The following FBXO42 variants were observed in gnomAD, a reference collection of about 807,000 sequenced individuals.
The protein encoded by FBXO42 is F-box protein 42.
FBXO42 carries 12 observed loss-of-function variants against 71.7 expected under a neutral mutation model. The observed-to-expected ratio is 0.17, with a 90% confidence interval of 0.11 to 0.27. The LOEUF is 0.27. Among genes scored for constraint, FBXO42 ranks in the 10% least tolerant of loss-of-function variants. FBXO42 has a pLI of 1.00. For synonymous variants in FBXO42, 325 were observed against 327.5 expected (o/e 0.99, Z 0.08); for missense variants, 707 against 911.9 (o/e 0.78, Z 2.89).
chr1:16,315,921 A>G (rs2082358545), intron 1 of FBXO42, among the ~76,000 whole-genome samples: 1 of 152,192 alleles, frequency 6.6e-6, no homozygotes, highest in Admixed American at 6.6e-5. Context: ...CTGTAATCCC[A>G]GCACTTTGGG....
In FBXO42 at chr1:16,266,459, C is replaced by G. The variant is rs538805478; in HGVS notation, c.503-9700G>C. Among the ~76,000 whole-genome samples the G allele has an allele frequency of 3.9e-5, 6 of 152,268 alleles. 1 individual carries two copies. In the South Asian group the frequency reaches 1.2e-3, roughly 32 times the overall value. On this transcript the variant is annotated intron_variant, in intron 4 of 9. Transcript: ENST00000375592. ...CCCCATCTTAACCACTCTGTGCAGA[C>G]TCGCTTTCTCAGAGTGGGTCCAATA...
At chr1:16,336,425 C>T (rs1355462673) in intron 1 of FBXO42, among the ~76,000 whole-genome samples, 1 of 151,338 alleles carries the variant, frequency 6.6e-6, no homozygotes, top group African/African-American at 2.4e-5. Context: ...GTGGCGTGAT[C>T]TTGGCTCATT....
chr1:16,277,458 C>T (rs185640471), intron 4 of FBXO42, among the ~76,000 whole-genome samples: 156 of 152,080 alleles, frequency 1.0e-3, no homozygotes, highest in South Asian at 6.4e-3. Flanking sequence ...GGCATGGTGG[C>T]TAATGCTTGT....
intron 3 of FBXO42, among the ~76,000 whole-genome samples, chr1:16,302,894 C>T (rs188510078): frequency 4.7e-4 from 71 of 152,262 alleles, no homozygotes; most frequent in African/African-American, 1.6e-3. Flanking sequence ...CCCCCATGAT[C>T]CAGTCTCCTC....
At chr1:16,264,104 C>A (rs1376160780) in intron 4 of FBXO42, among the ~76,000 whole-genome samples, 1 of 152,114 alleles carries the variant, frequency 6.6e-6, no homozygotes, top group Non-Finnish European at 1.5e-5. Context: ...AGCCACCATG[C>A]CAGGCCAACA....
At chr1:16,309,788 T>C (rs2082292786) in intron 2 of FBXO42, among the ~76,000 whole-genome samples, 1 of 152,034 alleles carries the variant, frequency 6.6e-6, no homozygotes, top group African/African-American at 2.4e-5. Context: ...CTCACACCTG[T>C]AATCCGAGCA....
intron 1 of FBXO42, among the ~76,000 whole-genome samples, chr1:16,349,243 C>T (rs1193939519): frequency 6.6e-6 from 1 of 152,152 alleles, no homozygotes; most frequent in Non-Finnish European, 1.5e-5. Flanking sequence ...CATCCCTGCT[C>T]CAAGAAGCCT....
intron 3 of FBXO42, among the ~76,000 whole-genome samples, chr1:16,295,494 G>A (rs970528949): frequency 3.0e-4 from 46 of 151,966 alleles, no homozygotes; most frequent in African/African-American, 1.0e-3. Flanking sequence ...AGGTGCAAGC[G>A]ATTCTCCTGC....
At chr1:16,310,346 G>A (rs72638109) in intron 2 of FBXO42, among the ~76,000 whole-genome samples, 131 of 152,000 alleles carry the variant, frequency 8.6e-4, no homozygotes, top group Non-Finnish European at 1.6e-3. Flanking sequence ...GGGTGATGGA[G>A]TGAGGTTCCA....
Position 16,299,094 on chromosome 1 carries a change from C to T in FBXO42, c.368-4177G>A, listed in dbSNP as rs573206713. Reference sequence around the variant, plus strand: ...ATGGTACAATCTTGGCTCACTGCAACCTCTGCCTCCTAGGTTCAAGCAATT... The same window carrying T: ...ATGGTACAATCTTGGCTCACTGCAATCTCTGCCTCCTAGGTTCAAGCAATT... On this transcript the variant is annotated intron_variant, in intron 3 of 9. Coordinates refer to ENST00000375592, the MANE Select transcript of FBXO42 (RefSeq NM_018994.3). Among the ~76,000 whole-genome samples the T allele has an allele frequency of 4.6e-5, 7 of 152,196 alleles. No individual in the cohort carries two copies. The South Asian group carries it at 1.2e-3, about 27-fold the overall frequency.
At chr1:16,296,500 A>G (rs1006232946) in intron 3 of FBXO42, among the ~76,000 whole-genome samples, 1 of 152,030 alleles carries the variant, frequency 6.6e-6, no homozygotes, top group African/African-American at 2.4e-5. Flanking sequence ...AAATAAAAAA[A>G]TTAGCCAGGC....
At position 16,291,240 on chromosome 1, in the gene FBXO42, G is replaced by A. The variant is rs182671408; in HGVS notation, c.502+3543C>T. ...TACACCAAGACTTATAAACAACTAT[G>A]TTTTATTCAGAAGGACTAATTGACA... On this transcript the variant is annotated intron_variant, in intron 4 of 9. Coordinates refer to ENST00000375592, the MANE Select transcript of FBXO42 (RefSeq NM_018994.3). 2.0e-4 allele frequency among the ~76,000 whole-genome samples: 30 copies of A among 152,184 alleles called. 1 individual carries two copies. In the East Asian group the frequency reaches 5.2e-3, roughly 26 times the overall value.
intron 1 of FBXO42, among the ~76,000 whole-genome samples, chr1:16,347,992 C>CA (rs541561756): frequency 0.012 from 782 of 67,062 alleles, 6 homozygotes; most frequent in African/African-American, 0.031. Flanking sequence ...GACTCCGTCT[C>CA]AAAAAAAAAA....
chr1:16,290,822 A>T (rs2082069575), intron 4 of FBXO42, among the ~76,000 whole-genome samples: 1 of 152,176 alleles, frequency 6.6e-6, no homozygotes, highest in African/African-American at 2.4e-5. Context: ...TCTCATCTTG[A>T]ATTTCCAGCC....
chr1:16,342,376 A>C (rs898370843), intron 1 of FBXO42, among the ~76,000 whole-genome samples: 23 of 148,808 alleles, frequency 1.5e-4, no homozygotes, highest in Non-Finnish European at 1.2e-4. Context: ...AGCCTGGGCA[A>C]GAAGAGCGAA....
intron 2 of FBXO42, among the ~76,000 whole-genome samples, chr1:16,313,783 T>C (rs562171834): frequency 6.6e-6 from 1 of 152,298 alleles, no homozygotes; most frequent in African/African-American, 2.4e-5. Flanking sequence ...AAAGAACACA[T>C]TGAGACAACC....
At chr1:16,269,651 G>A (rs557764013) in intron 4 of FBXO42, among the ~76,000 whole-genome samples, 4 of 150,610 alleles carry the variant, frequency 2.7e-5, no homozygotes, top group South Asian at 2.1e-4. Context: ...TCAGCCTCCC[G>A]AGTAGCTGGG....
At chr1:16,256,547 G>T in intron 5 of FBXO42, 59 bp downstream of exon 5, 1 of 1,554,664 alleles carries the variant, frequency 6.4e-7, no homozygotes, top group Non-Finnish European at 8.8e-7. Context: ...AAAAAACAAA[G>T]AATCCACTGA....
At chr1:16,342,444 C>T (rs976618928) in intron 1 of FBXO42, among the ~76,000 whole-genome samples, 30 of 148,862 alleles carry the variant, frequency 2.0e-4, no homozygotes, top group South Asian at 1.1e-3. Flanking sequence ...ACAATGGACA[C>T]GGTGGCACCT....
Sources: allele counts gnomAD v4.1 joint callset (sites outside exome capture counted in the v4.1 genomes callset), GRCh38; gene constraint gnomAD v4.1.1; transcripts MANE v1.5; gene names NCBI Gene and HGNC (gene_info 2026-07-23, HGNC 2026-07-21).